The following LPP variants were observed in gnomAD, a reference collection of about 807,000 sequenced individuals.
LPP encodes the protein LIM domain containing preferred translocation partner in lipoma.
Under a neutral mutation model 60.4 loss-of-function variants are expected in LPP, and 38 were observed. The ratio of observed to expected loss-of-function variants is 0.63; its 90% confidence interval spans 0.49 to 0.83. LPP has a LOEUF of 0.83. LPP is among the 40% of genes least tolerant of loss of function. The pLI is 0.00. For missense variants in LPP, 902 were observed against 783.6 expected (o/e 1.15, Z -1.80); for synonymous variants, 328 against 290.8 (o/e 1.13, Z -1.30).
intron 2 of LPP, among the ~76,000 whole-genome samples, chr3:188,275,513 C>T (rs937791722): frequency 3.9e-5 from 6 of 152,192 alleles, no homozygotes; most frequent in Non-Finnish European, 8.8e-5. Context: ...GTGTGCACCA[C>T]TGTGCCTGGC....
intron 9 of LPP, among the ~76,000 whole-genome samples, chr3:188,819,324 TG>T (rs1753338557): frequency 6.6e-6 from 1 of 151,896 alleles, no homozygotes; most frequent in Non-Finnish European, 1.5e-5. Context: ...TCCTTCCTTT[TG>T]GATTCCCAAG....
At chr3:188,513,196 T>C (rs1816331823) in intron 5 of LPP, among the ~76,000 whole-genome samples, 1 of 152,206 alleles carries the variant, frequency 6.6e-6, no homozygotes, top group South Asian at 2.1e-4. Context: ...TATTTCCCTT[T>C]TATGCACAAA....
At chr3:188,289,255 C>T (rs1189620008) in intron 2 of LPP, among the ~76,000 whole-genome samples, 3 of 152,158 alleles carry the variant, frequency 2.0e-5, no homozygotes, top group African/African-American at 7.2e-5. Flanking sequence ...GTTTTACAGA[C>T]TAGCTCAGAC....
chr3:188,559,625 C>G (rs1164247725), intron 6 of LPP, among the ~76,000 whole-genome samples: 3 of 152,030 alleles, frequency 2.0e-5, no homozygotes, highest in Non-Finnish European at 4.4e-5. Flanking sequence ...GGCAGGAAGA[C>G]AAGACCTGAT....
chr3:188,636,591 G>A lies in LPP; in HGVS notation c.1113+26747G>A, dbSNP rs973802372. Among the ~76,000 whole-genome samples, 5 of 152,154 alleles carry A rather than the reference G, an allele frequency of 3.3e-5. No individual in the cohort carries two copies. The South Asian group carries it at 6.2e-4, about 19-fold the overall frequency. On this transcript the variant is annotated intron_variant, in intron 7 of 11. Transcript: ENST00000617246. ...AGCCTGCCTGCCTCTGTAGGCTCCAGCTCTGGGGGCCCAGGGCACAGACAA... is the reference window on the plus strand; with the variant it reads ...AGCCTGCCTGCCTCTGTAGGCTCCAACTCTGGGGGCCCAGGGCACAGACAA...
intron 7 of LPP, among the ~76,000 whole-genome samples, chr3:188,703,771 G>A (rs550976082): frequency 1.3e-5 from 2 of 152,180 alleles, no homozygotes; most frequent in Admixed American, 6.5e-5. Context: ...GAATGATAAC[G>A]TTTTTCTCAA....
chr3:188,676,946 C>T (rs1157344664), intron 7 of LPP, among the ~76,000 whole-genome samples: 1 of 152,152 alleles, frequency 6.6e-6, no homozygotes, highest in Non-Finnish European at 1.5e-5. Flanking sequence ...AAACAGGCTG[C>T]CATGTTGTCA....
chr3:188,849,462 T>C (rs769803345), intron 9 of LPP, among the ~76,000 whole-genome samples: 5 of 152,198 alleles, frequency 3.3e-5, no homozygotes, highest in Non-Finnish European at 7.3e-5. Context: ...GATTTTTAAT[T>C]CTCATAAAGA....
intron 5 of LPP, among the ~76,000 whole-genome samples, chr3:188,523,937 G>T (rs1350922279): frequency 6.6e-6 from 1 of 151,662 alleles, no homozygotes; most frequent in Non-Finnish European, 1.5e-5. Flanking sequence ...TCCCAAACCT[G>T]ATCATAATTC....
chr3:188,224,165 G>C (rs1232903427), intron 1 of LPP, among the ~76,000 whole-genome samples: 1 of 152,122 alleles, frequency 6.6e-6, no homozygotes, highest in Non-Finnish European at 1.5e-5. Context: ...ACTTGATCCA[G>C]TGGATCAAGT....
At chr3:188,602,783 A>G (rs1171017813) in intron 6 of LPP, among the ~76,000 whole-genome samples, 1 of 150,402 alleles carries the variant, frequency 6.6e-6, no homozygotes, top group East Asian at 1.9e-4. Context: ...TGTTGTTCAG[A>G]TGAAGAGTCA....
At chr3:188,851,185 A>G (rs1196079878) in intron 9 of LPP, among the ~76,000 whole-genome samples, 1 of 152,234 alleles carries the variant, frequency 6.6e-6, no homozygotes, top group African/African-American at 2.4e-5. Flanking sequence ...TTTATAGATC[A>G]GATTGATTGG....
intron 4 of LPP, among the ~76,000 whole-genome samples, chr3:188,460,709 C>T (rs961662623): frequency 1.3e-5 from 2 of 152,074 alleles, no homozygotes; most frequent in African/African-American, 4.8e-5. Flanking sequence ...GTGTGGAAAA[C>T]AAGGAACATA....
chr3:188,780,088 G>C (rs898955493), intron 9 of LPP, among the ~76,000 whole-genome samples: 1 of 152,146 alleles, frequency 6.6e-6, no homozygotes, highest in Non-Finnish European at 1.5e-5. Flanking sequence ...ACACCTATAC[G>C]TCAGTTAGCT....
intron 6 of LPP, among the ~76,000 whole-genome samples, chr3:188,555,920 A>AT (rs2150582900): frequency 6.6e-6 from 1 of 152,212 alleles, no homozygotes; most frequent in East Asian, 1.9e-4. Context: ...AGCCATGAAT[A>AT]TTTTGATGTC....
At chr3:188,760,409 GGTGTGTGT>G (rs3841956) in intron 9 of LPP, 127 bp downstream of exon 9, 11 of 602,708 alleles carry the variant, frequency 1.8e-5, no homozygotes, top group South Asian at 7.7e-5. Context: ...GTGTGTGTGG[GGTGTGTGT>G]GTGTGTGTGT....
At chr3:188,347,766 T>TG (rs1205618745) in intron 3 of LPP, among the ~76,000 whole-genome samples, 3 of 151,994 alleles carry the variant, frequency 2.0e-5, no homozygotes, top group Non-Finnish European at 2.9e-5. Flanking sequence ...TGTGAGTGTG[T>TG]GGGGGGGCCA....
At chr3:188,754,230 A>T (rs896365604) in intron 8 of LPP, among the ~76,000 whole-genome samples, 1 of 152,084 alleles carries the variant, frequency 6.6e-6, no homozygotes, top group Non-Finnish European at 1.5e-5. Context: ...TAAGTAAACC[A>T]CTTTCTCTGG....
At chr3:188,614,894 C>T (rs1420000044) in intron 7 of LPP, among the ~76,000 whole-genome samples, 1 of 152,152 alleles carries the variant, frequency 6.6e-6, no homozygotes, top group African/African-American at 2.4e-5. Context: ...GCCTGGCACC[C>T]AGGCCTGGTG....
Sources: gnomAD v4.1 joint callset for allele counts (sites outside exome capture counted in the v4.1 genomes callset) on GRCh38, gnomAD v4.1.1 for gene constraint, MANE v1.5 for transcripts, NCBI Gene and HGNC (gene_info 2026-07-23, HGNC 2026-07-21) for gene names.